CCSER1: variants seen among roughly 807,000 people sequenced by gnomAD.
The protein encoded by CCSER1 is coiled-coil serine rich protein 1, also known as serine-rich coiled-coil domain-containing protein 1.
CCSER1 carries 41 observed loss-of-function variants against 82.0 expected under a neutral mutation model. That is an observed-to-expected ratio of 0.50 (90% CI 0.39 to 0.65). CCSER1 has a LOEUF of 0.65. Among genes scored for constraint, CCSER1 ranks in the 30% least tolerant of loss-of-function variants. CCSER1 has a pLI of 0.00. For synonymous variants in CCSER1, 414 were observed against 383.9 expected (o/e 1.08, Z -0.92); for missense variants, 1,119 against 1,064.2 (o/e 1.05, Z -0.72).
intron 5 of CCSER1, among the ~76,000 whole-genome samples, chr4:90,606,758 A>C (rs899567608): frequency 3.3e-5 from 5 of 152,196 alleles, no homozygotes; most frequent in African/African-American, 1.2e-4. Context: ...AATAATGATC[A>C]GTGGTATATA....
intron 4 of CCSER1, among the ~76,000 whole-genome samples, chr4:90,463,938 T>TA (rs561969096): frequency 1.3e-5 from 2 of 152,008 alleles, no homozygotes; most frequent in African/African-American, 4.8e-5. Context: ...TTTTATAAAT[T>TA]AAAAAAACGA....
intron 10 of CCSER1, among the ~76,000 whole-genome samples, chr4:91,595,507 T>C (rs1457000169): frequency 6.6e-6 from 1 of 152,150 alleles, no homozygotes; most frequent in Non-Finnish European, 1.5e-5. Flanking sequence ...TTAGTTACAT[T>C]ATATTGTTAC....
chr4:91,145,386 G>A (rs1170066782), intron 10 of CCSER1, among the ~76,000 whole-genome samples: 1 of 152,120 alleles, frequency 6.6e-6, no homozygotes, highest in Non-Finnish European at 1.5e-5. Context: ...GCAGAAAAAG[G>A]TTAGGTCTTG....
chr4:90,461,051 C>T (rs936213608), intron 4 of CCSER1, among the ~76,000 whole-genome samples: 13 of 88,392 alleles, frequency 1.5e-4, no homozygotes, highest in Admixed American at 8.4e-4. Flanking sequence ...GTTGCCCAGG[C>T]TATTTTTTTT....
chr4:91,418,601 GA>G (rs752890003), intron 10 of CCSER1, among the ~76,000 whole-genome samples: 20 of 151,890 alleles, frequency 1.3e-4, no homozygotes, highest in Non-Finnish European at 2.9e-4. Context: ...ACCCAACAAT[GA>G]AAACCTAGAA....
chr4:91,503,552 GAT>G (rs1341165603), intron 10 of CCSER1, among the ~76,000 whole-genome samples: 2 of 150,482 alleles, frequency 1.3e-5, no homozygotes, highest in African/African-American at 4.9e-5. Context: ...CTGGCTTGTG[GAT>G]ATGTGTTCCT....
At chr4:91,518,724 C>A (rs1442495261) in intron 10 of CCSER1, among the ~76,000 whole-genome samples, 2 of 152,138 alleles carry the variant, frequency 1.3e-5, no homozygotes, top group African/African-American at 4.8e-5. Flanking sequence ...TTTCCTTAGA[C>A]CAAGAGAAAC....
At chr4:90,641,878 C>A (rs1432305701) in intron 6 of CCSER1, 2 of 267,812 alleles carry the variant, frequency 7.5e-6, no homozygotes, top group South Asian at 3.5e-5. Flanking sequence ...GTGTTATTAT[C>A]ATATTCAATA....
At position 91,580,968 on chromosome 4, in the gene CCSER1, G is replaced by A. The variant is rs1763699101; in HGVS notation, c.2218-17604G>A. Among the ~76,000 whole-genome samples the A allele has an allele frequency of 4.0e-5, 6 of 151,518 alleles. No individual in the cohort carries two copies. In the Admixed American group the frequency reaches 4.0e-4, roughly 10 times the overall value. ...ATATAACCTTTAAGTGACTAAGATA[G>A]GATACAAACCAAAAACTATCTGTCT... On this transcript the variant is annotated intron_variant, in intron 10 of 10. Transcript: ENST00000509176.
intron 8 of CCSER1, among the ~76,000 whole-genome samples, chr4:90,845,359 T>TAAAAAA (rs886923723): frequency 1.0e-5 from 1 of 96,586 alleles, no homozygotes; most frequent in African/African-American, 4.0e-5. Context: ...AGACGCCATC[T>TAAAAAA]AAAAAAAAAA....
chr4:90,917,773 A>G (rs1283068987), intron 8 of CCSER1, among the ~76,000 whole-genome samples: 1 of 152,144 alleles, frequency 6.6e-6, no homozygotes, highest in Non-Finnish European at 1.5e-5. Flanking sequence ...TTACAAGATG[A>G]TGGTCAAATT....
chr4:90,783,014 A>G (rs539634410), intron 7 of CCSER1, among the ~76,000 whole-genome samples: 13 of 151,828 alleles, frequency 8.6e-5, no homozygotes, highest in South Asian at 8.4e-4. Context: ...GCTCACTGCA[A>G]CACTGTAACC....
At chr4:90,984,594 A>G (rs1211152834) in intron 9 of CCSER1, among the ~76,000 whole-genome samples, 1 of 151,778 alleles carries the variant, frequency 6.6e-6, no homozygotes, top group Non-Finnish European at 1.5e-5. Flanking sequence ...CCATGCCTGG[A>G]TCAATAACTA....
At chr4:90,342,793 A>G (rs1422358386) in intron 3 of CCSER1, among the ~76,000 whole-genome samples, 1 of 152,084 alleles carries the variant, frequency 6.6e-6, no homozygotes, top group East Asian at 1.9e-4. Context: ...CATTGTTACC[A>G]TCGGTGGACT....
At chr4:90,741,165 C>T (rs990450270) in intron 7 of CCSER1, among the ~76,000 whole-genome samples, 1 of 151,982 alleles carries the variant, frequency 6.6e-6, no homozygotes, top group Non-Finnish European at 1.5e-5. Context: ...ATTTTATAGC[C>T]AATAAAGGGC....
chr4:91,286,184 A>G (rs1464495858), intron 10 of CCSER1, among the ~76,000 whole-genome samples: 1 of 151,796 alleles, frequency 6.6e-6, no homozygotes, highest in Non-Finnish European at 1.5e-5. Flanking sequence ...CTAGATGATG[A>G]TATGATTAGA....
At chr4:90,197,611 A>G (rs1736856160) in intron 1 of CCSER1, among the ~76,000 whole-genome samples, 2 of 152,188 alleles carry the variant, frequency 1.3e-5, no homozygotes, top group South Asian at 4.1e-4. Context: ...AAAAAGAATG[A>G]GATCCTGTCA....
chr4:90,635,285 A>G (rs920426449), intron 6 of CCSER1, among the ~76,000 whole-genome samples: 4 of 151,696 alleles, frequency 2.6e-5, no homozygotes, highest in Non-Finnish European at 5.9e-5. Context: ...TGCGAGTGGA[A>G]CATCGTCAAG....
chr4:90,898,267 A>ACCTTTTTTTT (rs1724029825), intron 8 of CCSER1, among the ~76,000 whole-genome samples: 1 of 55,378 alleles, frequency 1.8e-5, no homozygotes, highest in Non-Finnish European at 4.1e-5. Flanking sequence ...TCTTTAATCC[A>ACCTTTTTTTT]TCTTTTTTTT....
Sources: gnomAD v4.1 joint callset for allele counts (sites outside exome capture counted in the v4.1 genomes callset) on GRCh38, gnomAD v4.1.1 for gene constraint, MANE v1.5 for transcripts, NCBI Gene and HGNC (gene_info 2026-07-23, HGNC 2026-07-21) for gene names.